Variants in AUTS2 observed in about 807,000 individuals in gnomAD.
AUTS2 encodes activator of transcription and developmental regulator AUTS2.
AUTS2 carries 17 observed loss-of-function variants against 112.4 expected under a neutral mutation model. The observed-to-expected ratio is 0.15, with a 90% CI of 0.10 to 0.23. The LOEUF is 0.23. AUTS2 is among the 10% of genes least tolerant of loss of function. The pLI, the probability that AUTS2 is intolerant of heterozygous loss-of-function variation, is 1.00. For synonymous variants in AUTS2, 751 were observed against 702.7 expected, an observed-to-expected ratio of 1.07 and a Z score of -1.09; for missense variants, 1,510 against 1,701.6, an observed-to-expected ratio of 0.89 and a Z score of 1.98.
chr7:70,723,524 A>G (rs1347047692), intron 6 of AUTS2, among the ~76,000 whole-genome samples: 1 of 151,936 alleles, frequency 6.6e-6, no homozygotes, highest in Non-Finnish European at 1.5e-5. Flanking sequence ...CCACTCTGTT[A>G]AAGGAGCTCT....
intron 1 of AUTS2, among the ~76,000 whole-genome samples, chr7:69,709,782 G>A (rs918012166): frequency 2.0e-5 from 3 of 152,144 alleles, no homozygotes; most frequent in Non-Finnish European, 4.4e-5. Context: ...GGAGTGTGGA[G>A]GAGTTAGGAA....
rs1051419969 is a variant in AUTS2, at chr7:70,055,434, C to CA, written c.523-62687dup. Among the ~76,000 whole-genome samples the CA allele has an allele frequency of 2.1e-3, 299 of 145,824 alleles. 2 individuals carry two copies. Among genetic ancestry groups the CA allele is most frequent in the African/African-American group, 6.7e-3 (268 of 39,840 alleles). On this transcript the variant is annotated intron_variant, in intron 2 of 18. Coordinates refer to ENST00000342771, the MANE Select transcript of AUTS2 (RefSeq NM_015570.4). Reference sequence around the variant, plus strand: ...GGACAACAAGAGCAAAACTCCATCTCAAAAAAAAAAATTCTATATTTGATT... The same window carrying CA: ...GGACAACAAGAGCAAAACTCCATCTCAAAAAAAAAAAATTCTATATTTGATT...
chr7:70,576,921 C>G (rs1232350519), intron 5 of AUTS2, among the ~76,000 whole-genome samples: 2 of 152,166 alleles, frequency 1.3e-5, no homozygotes, highest in African/African-American at 4.8e-5. Context: ...TCCCTTGGAA[C>G]ACAGTTTGGG....
At chr7:70,547,729 C>G (rs960548782) in intron 5 of AUTS2, among the ~76,000 whole-genome samples, 5 of 152,094 alleles carry the variant, frequency 3.3e-5, no homozygotes, top group Non-Finnish European at 5.9e-5. Flanking sequence ...TGGATTATTT[C>G]TACTTTTTTG....
intron 3 of AUTS2, chr7:70,119,532 T>G (rs1805573692): frequency 6.6e-6 from 1 of 152,048 alleles, no homozygotes. Flanking sequence ...GCCCAGCTAA[T>G]TTTTGTATTT....
intron 1 of AUTS2, among the ~76,000 whole-genome samples, chr7:69,711,787 A>G (rs1798337843): frequency 1.3e-5 from 2 of 152,200 alleles, no homozygotes; most frequent in South Asian, 4.1e-4. Context: ...AACAAAGATT[A>G]TTGGTTCTGA....
At chr7:69,669,577 G>C (rs1157088046) in intron 1 of AUTS2, among the ~76,000 whole-genome samples, 2 of 151,778 alleles carry the variant, frequency 1.3e-5, no homozygotes, top group Non-Finnish European at 2.9e-5. Flanking sequence ...TTATCTTGTA[G>C]GTATTTAAAA....
chr7:70,407,942 TA>T (rs1305222291), intron 4 of AUTS2, among the ~76,000 whole-genome samples: 2 of 151,558 alleles, frequency 1.3e-5, no homozygotes, highest in African/African-American at 4.8e-5. Flanking sequence ...TAGTCCCAGC[TA>T]CTCGGGAGGC....
At chr7:70,540,291 C>T (rs562282643) in intron 5 of AUTS2, among the ~76,000 whole-genome samples, 1 of 152,162 alleles carries the variant, frequency 6.6e-6, no homozygotes, top group Non-Finnish European at 1.5e-5. Context: ...TGCTACCATC[C>T]TCTCTCTTTG....
intron 5 of AUTS2, among the ~76,000 whole-genome samples, chr7:70,689,775 CAA>C (rs60869776): frequency 0.045 from 3,389 of 74,676 alleles, 116 homozygotes; most frequent in African/African-American, 0.15. Context: ...GACTCCGTCT[CAA>C]AAAAAAAAAA....
intron 3 of AUTS2, among the ~76,000 whole-genome samples, chr7:70,124,803 C>T (rs994827012): frequency 1.7e-4 from 26 of 152,264 alleles, no homozygotes; most frequent in Admixed American, 5.9e-4. Context: ...CCTCGTGATC[C>T]GCCCGCCTTG....
At chr7:70,692,387 C>G (rs116951347) in intron 5 of AUTS2, among the ~76,000 whole-genome samples, 631 of 152,284 alleles carry the variant, frequency 4.1e-3, no homozygotes, top group Admixed American at 8.8e-3. Context: ...TTTGATTGTT[C>G]CAAAAGAAAC....
chr7:70,309,833 G>A (rs1192405805), intron 4 of AUTS2, among the ~76,000 whole-genome samples: 1 of 152,200 alleles, frequency 6.6e-6, no homozygotes, highest in Non-Finnish European at 1.5e-5. Flanking sequence ...CAGTGATTAA[G>A]AAACATGGCT....
At chr7:70,137,501 A>G (rs561548054) in intron 4 of AUTS2, among the ~76,000 whole-genome samples, 2 of 150,252 alleles carry the variant, frequency 1.3e-5, no homozygotes, top group South Asian at 2.1e-4. Context: ...CAATGAACAC[A>G]TTTTCTTTTC....
intron 5 of AUTS2, among the ~76,000 whole-genome samples, chr7:70,606,592 G>A (rs924462675): frequency 1.3e-5 from 2 of 152,122 alleles, no homozygotes; most frequent in Non-Finnish European, 2.9e-5. Context: ...CAGACGTGGT[G>A]GCTCACGCCT....
chr7:69,997,488 C>G (rs1798998970), intron 2 of AUTS2, among the ~76,000 whole-genome samples: 1 of 152,130 alleles, frequency 6.6e-6, no homozygotes, highest in African/African-American at 2.4e-5. Flanking sequence ...TAAACGAATA[C>G]CTGAGACTGG....
At chr7:69,827,580 A>C (rs1175721186) in intron 1 of AUTS2, among the ~76,000 whole-genome samples, 2 of 152,196 alleles carry the variant, frequency 1.3e-5, no homozygotes, top group African/African-American at 4.8e-5. Flanking sequence ...CAAGAACTTA[A>C]AACTTGGCCA....
intron 4 of AUTS2, among the ~76,000 whole-genome samples, chr7:70,329,602 C>T (rs1278584775): frequency 6.7e-6 from 1 of 148,656 alleles, no homozygotes. Flanking sequence ...AGGTTTTTTG[C>T]TCATTTTTCA....
Position 70,568,083 on chromosome 7 carries a change from C to T in AUTS2, c.691-130486C>T, listed in dbSNP as rs1406379660. Reference sequence around the variant, plus strand: ...AGTTTATTCGGAGTCATAGAGCCATCGGAGCAGATGGTCTTTTTTGTTTTC... The same window carrying T: ...AGTTTATTCGGAGTCATAGAGCCATTGGAGCAGATGGTCTTTTTTGTTTTC... On this transcript the variant is annotated intron_variant, in intron 5 of 18. Transcript: ENST00000342771. Among the ~76,000 whole-genome samples, 5 of 152,200 alleles carry T rather than the reference C, an allele frequency of 3.3e-5. No homozygotes were observed. In the East Asian group the frequency reaches 5.8e-4, roughly 18 times the overall value.
Sources: allele counts gnomAD v4.1 joint callset (sites outside exome capture counted in the v4.1 genomes callset), GRCh38; gene constraint gnomAD v4.1.1; transcripts MANE v1.5; gene names NCBI Gene and HGNC (gene_info 2026-07-23, HGNC 2026-07-21).